PIP4K2A: variants seen among roughly 807,000 people sequenced by gnomAD.
PIP4K2A encodes the protein phosphatidylinositol 5-phosphate 4-kinase type-2 alpha.
A neutral mutation model predicts 42.9 loss-of-function variants in PIP4K2A; 14 were observed. The ratio of observed to expected loss-of-function variants is 0.33; its 90% CI spans 0.22 to 0.51. The LOEUF (loss-of-function observed/expected upper bound fraction) is 0.51, where lower values mean the gene tolerates loss of function less well. Ranked by LOEUF, PIP4K2A falls within the 20% of genes least tolerant of loss-of-function variation. PIP4K2A has a pLI of 0.97. For missense variants in PIP4K2A, 434 were observed against 519.8 expected (o/e 0.83, Z 1.61); for synonymous variants, 192 against 192.2 (o/e 1.00, Z 0.01).
rs1132816 is a variant in PIP4K2A, at chr10:22,714,297, A to G, written c.30T>C (p.Ser10=). 430,099 of 1,608,664 alleles carry G rather than the reference A, an allele frequency of 0.27. 62,365 individuals carry two copies. The highest frequency in any genetic ancestry group is 0.55 in the African/African-American group (40,837 of 74,380). Residue 10 remains serine, a synonymous_variant, in exon 1 of 10, where the codon TCT becomes TCC. Coordinates refer to ENST00000376573, the MANE Select transcript of PIP4K2A (RefSeq NM_005028.5). MATPGNLGS[S]VLASKTKTKK... is the part of the protein sequence containing the mutation. Reference sequence around the variant, plus strand: ...TGGTCTTGGTCTTGCTCGCCAGGACAGAGGACCCTAGGTTGCCGGGGGTCG... The same window carrying G: ...TGGTCTTGGTCTTGCTCGCCAGGACGGAGGACCCTAGGTTGCCGGGGGTCG...
chr10:22,609,130 C>A (rs1837975893), intron 2 of PIP4K2A, among the ~76,000 whole-genome samples: 1 of 152,214 alleles, frequency 6.6e-6, no homozygotes, highest in Non-Finnish European at 1.5e-5. Context: ...AATGGACCAC[C>A]TAACATATAA....
At chr10:22,612,076 G>C (rs892401806) in intron 1 of PIP4K2A, among the ~76,000 whole-genome samples, 5 of 152,212 alleles carry the variant, frequency 3.3e-5, no homozygotes, top group Admixed American at 1.3e-4. Context: ...ATGTTTTGTG[G>C]AGAAAATATG....
At chr10:22,542,162 G>A (rs1381094596) in intron 7 of PIP4K2A, 115 bp from the exon 8 acceptor site, 38 of 822,334 alleles carry the variant, frequency 4.6e-5, no homozygotes, top group Non-Finnish European at 7.0e-5. Context: ...GGGCAGCAGA[G>A]GCGCCGGGTG....
At chr10:22,705,426 T>TAAAAAAAAAAAA (rs150254345) in intron 1 of PIP4K2A, among the ~76,000 whole-genome samples, 1 of 29,276 alleles carries the variant, frequency 3.4e-5, no homozygotes. Context: ...GTACCCCAGT[T>TAAAAAAAAAAAA]AAAAAAAAAA....
Position 22,664,104 on chromosome 10 carries a change from C to T in PIP4K2A, c.144+50079G>A, listed in dbSNP as rs796595374. 2.2e-3 allele frequency among the ~76,000 whole-genome samples: 109 copies of T among 50,334 alleles called. 6 individuals are homozygous for T. Among genetic ancestry groups the T allele is most frequent in the African/African-American group, 0.019 (80 of 4,144 alleles). The allele number at this position is 50,334 out of a possible 152,430, so 33.0% of individuals were successfully genotyped here. On this transcript the variant is annotated intron_variant, in intron 1 of 9. Coordinates refer to ENST00000376573, the MANE Select transcript of PIP4K2A (RefSeq NM_005028.5). ...ATATATATATACATATATATATATA[C>T]ATATATATATACATATATATATATA...
In PIP4K2A at chr10:22,621,446, G is replaced by T. The variant is rs187423603; in HGVS notation, c.145-11729C>A. On this transcript the variant is annotated intron_variant, in intron 1 of 9. Coordinates refer to ENST00000376573, the MANE Select transcript of PIP4K2A (RefSeq NM_005028.5). ...GCTAAAATAATTTAATACTTCCCTG[G>T]TATCTTTCTTTCCATTCATCCTGGG... 1.7e-3 allele frequency among the ~76,000 whole-genome samples: 263 copies of T among 152,220 alleles called. 3 individuals are homozygous for T. Among genetic ancestry groups the T allele is most frequent in the African/African-American group, 5.8e-3 (240 of 41,498 alleles).
intron 1 of PIP4K2A, among the ~76,000 whole-genome samples, chr10:22,665,481 A>G (rs1036586978): frequency 2.6e-5 from 4 of 151,848 alleles, no homozygotes; most frequent in Non-Finnish European, 5.9e-5. Flanking sequence ...TCACTCTGTC[A>G]CCCGTGCTGG....
intron 6 of PIP4K2A, among the ~76,000 whole-genome samples, chr10:22,553,516 G>A (rs1836460957): frequency 6.6e-6 from 1 of 152,206 alleles, no homozygotes; most frequent in Admixed American, 6.5e-5. Flanking sequence ...TTCAGTCTTT[G>A]CAACAACCTT....
intron 1 of PIP4K2A, among the ~76,000 whole-genome samples, chr10:22,639,359 T>TAAAAAAA (rs35329002): frequency 1.5e-5 from 2 of 135,730 alleles, no homozygotes; most frequent in African/African-American, 2.6e-5. Flanking sequence ...CAAAAGAAGC[T>TAAAAAAA]AAAAAAAAAA....
chr10:22,650,994 C>G lies in PIP4K2A; in HGVS notation c.145-41277G>C, dbSNP rs117215225. On this transcript the variant is annotated intron_variant, in intron 1 of 9. Transcript: ENST00000376573. ...AATCTCATCTGGAAGTGACAGCTCC[C>G]AGATTTGTAGCTCTAGCTCCTACCC... Among the ~76,000 whole-genome samples, 982 of 152,326 alleles carry G rather than the reference C, an allele frequency of 6.4e-3. 6 individuals carry two copies. The highest frequency in any genetic ancestry group is 8.4e-3 in the Non-Finnish European group (569 of 68,028).
Position 22,551,596 on chromosome 10 carries a change from T to C in PIP4K2A, c.679-824A>G, listed in dbSNP as rs142132872. ...AGTTTTAAAACAGTGTGGATTATTCTATTTAACTTTGTGCAACCTGCATTC... is the reference window on the plus strand; with the variant it reads ...AGTTTTAAAACAGTGTGGATTATTCCATTTAACTTTGTGCAACCTGCATTC... On this transcript the variant is annotated intron_variant, in intron 6 of 9. Transcript: ENST00000376573. Among the ~76,000 whole-genome samples the C allele has an allele frequency of 1.3e-3, 204 of 152,246 alleles. 2 individuals are homozygous for C. Among genetic ancestry groups the C allele is most frequent in the African/African-American group, 4.7e-3 (195 of 41,480 alleles).
chr10:22,659,281 C>T (rs1839158148), intron 1 of PIP4K2A, among the ~76,000 whole-genome samples: 1 of 152,180 alleles, frequency 6.6e-6, no homozygotes, highest in South Asian at 2.1e-4. Context: ...GATTCAAGCA[C>T]CATAAGGACT....
chr10:22,630,900 G>A (rs16922530), intron 1 of PIP4K2A, among the ~76,000 whole-genome samples: 17,197 of 152,124 alleles, frequency 0.11, 1,041 homozygotes, highest in Middle Eastern at 0.21. Flanking sequence ...GCAGACTCAG[G>A]CAAGGTTTGA....
chr10:22,674,487 C>T (rs75242696), intron 1 of PIP4K2A, among the ~76,000 whole-genome samples: 4 of 151,310 alleles, frequency 2.6e-5, no homozygotes, highest in African/African-American at 9.7e-5. Flanking sequence ...TCCAGCCATC[C>T]AGTTACACAT....
At chr10:22,564,951 A>G (rs1221581537) in intron 6 of PIP4K2A, among the ~76,000 whole-genome samples, 1 of 152,206 alleles carries the variant, frequency 6.6e-6, no homozygotes, top group African/African-American at 2.4e-5. Flanking sequence ...GTTCATGGAA[A>G]ATTACTAGAG....
chr10:22,637,981 T>C (rs2130784969), intron 1 of PIP4K2A, among the ~76,000 whole-genome samples: 1 of 152,336 alleles, frequency 6.6e-6, no homozygotes, highest in South Asian at 2.1e-4. Context: ...ATACTATCTC[T>C]GGAAAATCTG....
At chr10:22,576,211 G>A (rs1837116666) in intron 4 of PIP4K2A, among the ~76,000 whole-genome samples, 1 of 152,134 alleles carries the variant, frequency 6.6e-6, no homozygotes, top group Admixed American at 6.5e-5. Context: ...AATTTCTGGG[G>A]GGAAGCACTG....
In PIP4K2A at chr10:22,714,429, C is replaced by A; in HGVS notation, c.-103G>T. Reference sequence around the variant, plus strand: ...GCAGCCGCATCCCCCCGGCGGCGGCCCCGGCGCGCCGCGCTCCGCTCCGCC... The same window carrying A: ...GCAGCCGCATCCCCCCGGCGGCGGCACCGGCGCGCCGCGCTCCGCTCCGCC... On this transcript the variant is annotated 5_prime_UTR_variant, in exon 1 of 10. Transcript: ENST00000376573. 2 of 764,766 alleles carry A rather than the reference C, an allele frequency of 2.6e-6. No individual in the cohort carries two copies. Among genetic ancestry groups the A allele is most frequent in the South Asian group, 5.9e-5 (1 of 16,984 alleles). 47.4% of individuals were successfully genotyped at this position (764,766 alleles called of 1,614,324 possible).
At chr10:22,669,240 A>C (rs2130855907) in intron 1 of PIP4K2A, among the ~76,000 whole-genome samples, 1 of 152,340 alleles carries the variant, frequency 6.6e-6, no homozygotes, top group Non-Finnish European at 1.5e-5. Context: ...AAAGGAAAGA[A>C]GGAAAGGTAT....
Sources: gnomAD v4.1 joint callset for allele counts (sites outside exome capture counted in the v4.1 genomes callset) on GRCh38, gnomAD v4.1.1 for gene constraint, MANE v1.5 for transcripts, NCBI Gene and HGNC (gene_info 2026-07-23, HGNC 2026-07-21) for gene names.